NRXN1: variants seen among roughly 807,000 people sequenced by gnomAD.
NRXN1 encodes the protein neurexin 1.
Under a neutral mutation model 150.9 loss-of-function variants are expected in NRXN1, and 39 were observed. The ratio of observed to expected loss-of-function variants is 0.26; its 90% CI spans 0.20 to 0.34. The LOEUF (loss-of-function observed/expected upper bound fraction) is 0.34, where lower values mean the gene tolerates loss of function less well. Among genes scored for constraint, NRXN1 ranks in the 10% least tolerant of loss-of-function variants. The probability of loss-of-function intolerance (pLI) is 1.00; values close to 1 mark genes in which losing one functional copy is unlikely to be tolerated. For synonymous variants in NRXN1, 924 were observed against 757.0 expected (o/e 1.22, Z -3.62); for missense variants, 1,815 against 1,949.9 (o/e 0.93, Z 1.30).
intron 2 of NRXN1, among the ~76,000 whole-genome samples, chr2:50,976,826 T>A (rs2104837729): frequency 6.6e-6 from 1 of 152,116 alleles, no homozygotes; most frequent in East Asian, 1.9e-4. Flanking sequence ...ATTCCAAATG[T>A]CCTCAGCAAG....
chr2:50,611,984 G>C (rs78065055), intron 8 of NRXN1, among the ~76,000 whole-genome samples: 1 of 152,064 alleles, frequency 6.6e-6, no homozygotes, highest in African/African-American at 2.4e-5. Context: ...TTCCCTAAAG[G>C]TTCCTACGAA....
chr2:51,008,683 ATC>A (rs1667401852), intron 2 of NRXN1, among the ~76,000 whole-genome samples: 1 of 151,770 alleles, frequency 6.6e-6, no homozygotes. Flanking sequence ...TACTAAAAGC[ATC>A]AATATAATAA....
rs61580117 is a variant in NRXN1, at chr2:50,790,135, C to CCACACACA, written c.832+131726_832+131733dup. ...TTTTAACTCTCCTTATTCCCTCCCA[C>CCACACACA]CACACACACACACACACACACACAC... is the stretch of plus-strand genomic sequence containing the variant. On this transcript the variant is annotated intron_variant, in intron 5 of 22. Transcript: ENST00000401669. 1.6e-3 allele frequency among the ~76,000 whole-genome samples: 235 copies of CCACACACA among 146,924 alleles called. 2 individuals carry two copies. The highest frequency in any genetic ancestry group is 5.7e-3 in the African/African-American group (228 of 40,116).
chr2:50,898,909 C>G (rs575217584), intron 5 of NRXN1, among the ~76,000 whole-genome samples: 1 of 151,072 alleles, frequency 6.6e-6, no homozygotes, highest in East Asian at 2.0e-4. Flanking sequence ...AATGTAGTAC[C>G]TATTCTGGAA....
chr2:50,185,820 C>A lies in NRXN1; in HGVS notation c.3546+50969G>T, dbSNP rs540209147. ...ACAACAACTAGCTTTTATTATACTA[C>A]TATGACTGCACATCATTCATGTGAG... On this transcript the variant is annotated intron_variant, in intron 18 of 22. Coordinates refer to ENST00000401669, the MANE Select transcript of NRXN1 (RefSeq NM_001330078.2). Among the ~76,000 whole-genome samples the A allele has an allele frequency of 3.9e-4, 60 of 152,228 alleles. 1 individual carries two copies. In the South Asian group the frequency reaches 0.012, roughly 30 times the overall value.
At chr2:50,315,675 G>C (rs1282373663) in intron 17 of NRXN1, among the ~76,000 whole-genome samples, 10 of 152,088 alleles carry the variant, frequency 6.6e-5, no homozygotes, top group Non-Finnish European at 1.5e-4. Context: ...GTTTCTCATA[G>C]AATTAATGTT....
intron 5 of NRXN1, among the ~76,000 whole-genome samples, chr2:50,767,311 T>C (rs369926665): frequency 1.3e-5 from 2 of 152,102 alleles, no homozygotes; most frequent in East Asian, 1.9e-4. Flanking sequence ...TAGCACCTTA[T>C]ATTGCAATTA....
chr2:50,598,593 T>C (rs1280589485), intron 8 of NRXN1, among the ~76,000 whole-genome samples: 1 of 148,630 alleles, frequency 6.7e-6, no homozygotes, highest in Admixed American at 6.8e-5. Flanking sequence ...TATATGTATA[T>C]ATGCGCGTGT....
intron 17 of NRXN1, among the ~76,000 whole-genome samples, chr2:50,260,511 C>T (rs145966738): frequency 6.6e-6 from 1 of 151,620 alleles, no homozygotes; most frequent in African/African-American, 2.4e-5. Flanking sequence ...TACAACCACA[C>T]TCCTCAGAGG....
Position 50,346,854 on chromosome 2 carries a change from G to A in NRXN1, c.3365-109884C>T. On this transcript the variant is annotated intron_variant, in intron 17 of 22. Coordinates refer to ENST00000401669, the MANE Select transcript of NRXN1 (RefSeq NM_001330078.2). This position sits in a 1 kb window ranked among gnomAD's most constrained non-coding sequence, Gnocchi z 5.0. ...GGGTGAGCGGGACTATCCAAAGCAGGGCCAGGCGCCCCCCTGCGCCGCCGC... is the reference window on the plus strand; with the variant it reads ...GGGTGAGCGGGACTATCCAAAGCAGAGCCAGGCGCCCCCCTGCGCCGCCGC... 1 of 1,547,610 alleles carries A rather than the reference G, an allele frequency of 6.5e-7. No individual in the cohort carries two copies. Among genetic ancestry groups the A allele is most frequent in the East Asian group, 2.5e-5 (1 of 40,296 alleles).
At chr2:50,340,879 G>A (rs1304334426) in intron 17 of NRXN1, among the ~76,000 whole-genome samples, 1 of 152,102 alleles carries the variant, frequency 6.6e-6, no homozygotes, top group Non-Finnish European at 1.5e-5. Context: ...AGTCATCGAG[G>A]GCTGACTGTG....
chr2:50,221,528 T>C (rs1222235108), intron 18 of NRXN1, among the ~76,000 whole-genome samples: 1 of 152,048 alleles, frequency 6.6e-6, no homozygotes. Context: ...GAAAAAACTA[T>C]AATTTTGGTT....
chr2:50,685,204 G>A (rs981843119), intron 5 of NRXN1, among the ~76,000 whole-genome samples: 4 of 152,076 alleles, frequency 2.6e-5, no homozygotes, highest in African/African-American at 9.7e-5. Flanking sequence ...TATTTTGGTT[G>A]TTCTCTTTGA....
intron 2 of NRXN1, among the ~76,000 whole-genome samples, chr2:50,963,577 T>C: frequency 6.6e-6 from 1 of 151,842 alleles, no homozygotes; most frequent in Non-Finnish European, 1.5e-5. Flanking sequence ...TACACACAAG[T>C]GACACAGAGA....
chr2:50,860,834 A>T (rs943627414), intron 5 of NRXN1, among the ~76,000 whole-genome samples: 27 of 152,122 alleles, frequency 1.8e-4, no homozygotes, highest in African/African-American at 6.3e-4. Flanking sequence ...GCCAGATTTA[A>T]AACTGTATAT....
intron 21 of NRXN1, chr2:50,023,022 C>A: frequency 6.6e-6 from 1 of 152,280 alleles, no homozygotes. Flanking sequence ...AGTATGTGTC[C>A]TTCCTTCCTC....
chr2:50,448,684 T>C (rs924615117), intron 17 of NRXN1, among the ~76,000 whole-genome samples: 2 of 152,162 alleles, frequency 1.3e-5, no homozygotes, highest in South Asian at 2.1e-4. Flanking sequence ...TTATGTGCAG[T>C]GATACACTAA....
In NRXN1 at chr2:51,001,235, G is replaced by GGGT. The variant is rs1553477291; in HGVS notation, c.772+26266_772+26267insACC. On this transcript the variant is annotated intron_variant, in intron 2 of 22. Coordinates refer to ENST00000401669, the MANE Select transcript of NRXN1 (RefSeq NM_001330078.2). ...CGTACAATGGTAGATTCATGGGGTT[G>GGGT]GGGGGGGGGGGCGTTTGTCAGGGGA... Among the ~76,000 whole-genome samples, 10 of 99,986 alleles carry GGGT rather than the reference G, an allele frequency of 1.0e-4. 1 individual carries two copies. Among genetic ancestry groups the GGGT allele is most frequent in the Admixed American group, 3.4e-4 (3 of 8,706 alleles). 65.6% of individuals were successfully genotyped at this position (99,986 alleles called of 152,430 possible).
At chr2:50,162,094 C>T (rs950574078) in intron 18 of NRXN1, among the ~76,000 whole-genome samples, 1 of 152,116 alleles carries the variant, frequency 6.6e-6, no homozygotes, top group Admixed American at 6.6e-5. Flanking sequence ...CTTTTTTACA[C>T]AACTCAGCAG....
Sources: allele counts gnomAD v4.1 joint callset (sites outside exome capture counted in the v4.1 genomes callset), GRCh38; gene constraint gnomAD v4.1.1; non-coding constraint Gnocchi (gnomAD v3.1); transcripts MANE v1.5; gene names NCBI Gene and HGNC (gene_info 2026-07-23, HGNC 2026-07-21).